The following CROT variants were observed in gnomAD, a reference collection of about 807,000 sequenced individuals.
CROT encodes peroxisomal carnitine O-octanoyltransferase.
CROT carries 84 observed loss-of-function variants against 89.2 expected under a neutral mutation model. The ratio of observed to expected loss-of-function variants is 0.94; its 90% CI spans 0.79 to 1.13. The LOEUF (loss-of-function observed/expected upper bound fraction) is 1.13, where lower values mean the gene tolerates loss of function less well. Among genes scored for constraint, CROT ranks in the 50% most tolerant of loss-of-function variants. The pLI, the probability that CROT is intolerant of heterozygous loss-of-function variation, is 0.00. For missense variants in CROT, 711 were observed against 727.8 expected, an observed-to-expected ratio of 0.98 and a Z score of 0.27; for synonymous variants, 212 against 239.5, an observed-to-expected ratio of 0.89 and a Z score of 1.06.
chr7:87,367,597 ACTTTT>A (rs1215043853), intron 6 of CROT, among the ~76,000 whole-genome samples: 3 of 152,144 alleles, frequency 2.0e-5, no homozygotes, highest in East Asian at 1.9e-4. Context: ...AAATTCATAT[ACTTTT>A]CTTTTCTTTT....
intron 6 of CROT, among the ~76,000 whole-genome samples, chr7:87,367,805 A>C (rs765741986): frequency 6.6e-6 from 1 of 151,968 alleles, no homozygotes; most frequent in Non-Finnish European, 1.5e-5. Context: ...AATTCACCTC[A>C]TGTCTCCTTC....
chr7:87,371,260 A>T (rs1370930396), intron 7 of CROT, among the ~76,000 whole-genome samples: 2 of 152,138 alleles, frequency 1.3e-5, no homozygotes, highest in Non-Finnish European at 2.9e-5. Context: ...TTTGTTTGAC[A>T]TGAGGCATGG....
At position 87,375,696 on chromosome 7, in the gene CROT, A is replaced by G. The variant is rs775525221; in HGVS notation, c.721A>G (p.Thr241Ala). The change falls in exon 8 of 18, where the codon ACT becomes GCT. Residue 241 changes from threonine (T) to alanine (A), a missense_variant. By Grantham distance (58) the Thr-to-Ala change is moderately conservative. Coordinates refer to ENST00000331536, the MANE Select transcript of CROT (RefSeq NM_021151.4). Reference sequence around the variant, plus strand: ...TGATGGACCTGGGATTGCAGCATTAACTAGTGAGGAGCGAACTCGATGGGC... The same window carrying G: ...TGATGGACCTGGGATTGCAGCATTAGCTAGTGAGGAGCGAACTCGATGGGC... ...EPDGPGIAALTSEERTRWAKA... is the reference protein window; with the variant it reads ...EPDGPGIAALASEERTRWAKA... 3 of 1,613,466 alleles carry G rather than the reference A, an allele frequency of 1.9e-6. No homozygotes were observed. The highest frequency in any genetic ancestry group is 2.5e-6 in the Non-Finnish European group (3 of 1,179,580).
In CROT at chr7:87,382,165, C is replaced by T. The variant is rs766092449; in HGVS notation, c.1154C>T (p.Ala385Val). ...TTAAATGACATCAACCAAGCTAAAG[C>T]CCAGTATCTCAGGGAGGTATATTTT... ...KVLNDINQAK[A>V]QYLREASDLQ... is the part of the protein sequence containing the mutation. Residue 385 changes from alanine to valine, a missense_variant, in exon 12 of 18, where the codon GCC becomes GTC. Physicochemically the swap from Ala to Val is moderately conservative, Grantham distance 64. Coordinates refer to ENST00000331536, the MANE Select transcript of CROT (RefSeq NM_021151.4). 22 of 1,609,820 alleles carry T rather than the reference C, an allele frequency of 1.4e-5. No individual in the cohort carries two copies. The highest frequency in any genetic ancestry group is 1.9e-5 in the Non-Finnish European group (22 of 1,176,396).
chr7:87,397,363 A>AG (rs397967753), intron 17 of CROT, among the ~76,000 whole-genome samples: 1 of 151,610 alleles, frequency 6.6e-6, no homozygotes, highest in African/African-American at 2.4e-5. Flanking sequence ...AAAAAAAAAA[A>AG]GTATTTACTC....
intron 2 of CROT, among the ~76,000 whole-genome samples, 154 bp from the exon 3 acceptor site, chr7:87,348,894 A>C (rs2115781199): frequency 6.6e-6 from 1 of 152,348 alleles, no homozygotes; most frequent in South Asian, 2.1e-4. Flanking sequence ...GGTTTTCTCT[A>C]TCTGACAGAT....
intron 7 of CROT, among the ~76,000 whole-genome samples, chr7:87,370,774 G>C (rs945016170): frequency 6.6e-6 from 1 of 152,188 alleles, no homozygotes; most frequent in African/African-American, 2.4e-5. Flanking sequence ...ATTTGAAAAA[G>C]GCTGCTGTGA....
chr7:87,378,280 A>T (rs575871846), intron 10 of CROT, among the ~76,000 whole-genome samples: 2 of 141,464 alleles, frequency 1.4e-5, no homozygotes, highest in South Asian at 2.4e-4. Flanking sequence ...TGGGAGGTTG[A>T]GGGTGCAGTG....
At position 87,368,695 on chromosome 7, in the gene CROT, T is replaced by C. The variant is rs555461347; in HGVS notation, c.548-681T>C. On this transcript the variant is annotated intron_variant, in intron 6 of 17. Transcript: ENST00000331536. ...TTTCTTCCTCTTTTTCCATTTTCTT[T>C]TCTTAGAAGGTAGGGGCAGGGATCA... is the stretch of plus-strand genomic sequence containing the variant. Among the ~76,000 whole-genome samples the C allele has an allele frequency of 2.6e-5, 4 of 152,304 alleles. No individual in the cohort carries two copies. In the South Asian group the frequency reaches 6.2e-4, roughly 24 times the overall value.
chr7:87,389,705 G>A (rs1584648625), intron 13 of CROT, among the ~76,000 whole-genome samples: 2 of 152,138 alleles, frequency 1.3e-5, no homozygotes, highest in African/African-American at 2.4e-5. Context: ...AAACCATCAT[G>A]GCACATGTAT....
At chr7:87,350,012 G>GA (rs987917701) in intron 3 of CROT, among the ~76,000 whole-genome samples, 7 of 152,136 alleles carry the variant, frequency 4.6e-5, no homozygotes, top group Non-Finnish European at 8.8e-5. Flanking sequence ...ATAGAAAGGT[G>GA]AAACAGCTGC....
At chr7:87,357,467 T>C (rs989962778) in intron 3 of CROT, 4 of 1,551,446 alleles carry the variant, frequency 2.6e-6, no homozygotes, top group African/African-American at 1.4e-5. Context: ...GCAGGCTGAA[T>C]CTCCTCAGCA....
chr7:87,373,506 C>T (rs1428349873), intron 7 of CROT, among the ~76,000 whole-genome samples: 1 of 151,804 alleles, frequency 6.6e-6, no homozygotes, highest in Non-Finnish European at 1.5e-5. Context: ...AATCTGAGGA[C>T]ATGAAGATTT....
rs748862341 is a variant in CROT, at chr7:87,369,412, T to C, written c.584T>C (p.Leu195Pro). Residue 195 changes from leucine to proline, a missense_variant, in exon 7 of 18, where the codon CTG becomes CCG. Transcript: ENST00000331536. ...CGTTCCCCAAACCACATTGTAGTGCTGTGTCGAGGCCGAGCTTTTGTCTTT... is the reference window on the plus strand; with the variant it reads ...CGTTCCCCAAACCACATTGTAGTGCCGTGTCGAGGCCGAGCTTTTGTCTTT... The part of the protein sequence containing the change: ...EGRSPNHIVV[L>P]CRGRAFVFDV... 1.2e-6 allele frequency: 2 copies of C among 1,613,286 alleles called. No individual in the cohort carries two copies. The highest frequency in any genetic ancestry group is 1.7e-6 in the Non-Finnish European group (2 of 1,179,546).
In CROT at chr7:87,360,159, G is replaced by A. The variant is rs115930441; in HGVS notation, c.240+829G>A. ...ATCTTTTTTGTTTATGTCTCTTTCT[G>A]AATTACTAATTATAGTTTATAACAT... On this transcript the variant is annotated intron_variant, in intron 4 of 17. Coordinates refer to ENST00000331536, the MANE Select transcript of CROT (RefSeq NM_021151.4). 401 of 843,644 alleles carry A rather than the reference G, an allele frequency of 4.8e-4. 1 individual carries two copies. In the African/African-American group the frequency reaches 6.9e-3, roughly 14 times the overall value. 52.3% of individuals were successfully genotyped at this position (843,644 alleles called of 1,614,324 possible).
At chr7:87,353,016 C>T (rs1218949025) in intron 3 of CROT, among the ~76,000 whole-genome samples, 2 of 152,140 alleles carry the variant, frequency 1.3e-5, no homozygotes, top group South Asian at 2.1e-4. Flanking sequence ...GAGTCAGTGC[C>T]TTCTTTAGAT....
chr7:87,393,208 G>T, intron 17 of CROT, 141 bp downstream of exon 17: 3 of 861,160 alleles, frequency 3.5e-6, no homozygotes, highest in South Asian at 1.8e-5. Flanking sequence ...TTCCACTTAG[G>T]CATTTAATGC....
chr7:87,375,778 T>G (rs1806792224), intron 8 of CROT, 50 bp from the exon 9 acceptor site: 1 of 1,611,846 alleles, frequency 6.2e-7, no homozygotes, highest in African/African-American at 1.3e-5. Context: ...ACTCTTTTGA[T>G]GTATTGTATT....
chr7:87,350,561 T>G (rs748230457), intron 3 of CROT, among the ~76,000 whole-genome samples: 1 of 152,040 alleles, frequency 6.6e-6, no homozygotes, highest in Non-Finnish European at 1.5e-5. Flanking sequence ...AGGAAGGAAT[T>G]TAGATGTATA....
Sources: allele counts gnomAD v4.1 joint callset (sites outside exome capture counted in the v4.1 genomes callset), GRCh38; gene constraint gnomAD v4.1.1; transcripts MANE v1.5; gene names NCBI Gene and HGNC (gene_info 2026-07-23, HGNC 2026-07-21).